PDZD7: variants seen among roughly 807,000 people sequenced by gnomAD.
The protein encoded by PDZD7 is PDZ domain containing 7, also known as PDZ domain-containing protein 7.
In PDZD7, 72 loss-of-function variants were observed where a neutral mutation model predicts 84.7. That is an observed-to-expected ratio of 0.85 (90% CI 0.70 to 1.03). The LOEUF is 1.03. Among genes scored for constraint, PDZD7 ranks in the 50% least tolerant of loss-of-function variants. The pLI, the probability that PDZD7 is intolerant of heterozygous loss-of-function variation, is 0.00. For synonymous variants in PDZD7, 594 were observed against 580.7 expected, an observed-to-expected ratio of 1.02 and a Z score of -0.33; for missense variants, 1,490 against 1,412.9, an observed-to-expected ratio of 1.05 and a Z score of -0.87.
chr10:101,014,672 A>ACACACACG, intron 11 of PDZD7, among the ~76,000 whole-genome samples: 1 of 2,194 alleles, frequency 4.6e-4, no homozygotes, highest in South Asian at 0.029. Flanking sequence ...CAATGCATGG[A>ACACACACG]CACACACACA....
Position 101,018,823 on chromosome 10 carries a change from C to G in PDZD7, c.1323G>C (p.Trp441Cys), listed in dbSNP as rs1187432177. The change falls in exon 8 of 17, where the codon TGG becomes TGC. Residue 441 changes from tryptophan to cysteine, a missense_variant and splice_region_variant. Transcript: ENST00000619208. ...AGCCGCCACCCATCCCCCACGTACC[C>G]CACAAGGTCAGATAGCTCTGGGAGC... ...ITRSQSYLTLWEEKQQRKKEK... is the reference protein window; with the variant it reads ...ITRSQSYLTLCEEKQQRKKEK... 3.8e-6 allele frequency: 6 copies of G among 1,593,250 alleles called. No homozygotes were observed. Among genetic ancestry groups the G allele is most frequent in the Non-Finnish European group, 5.1e-6 (6 of 1,167,604 alleles).
In PDZD7 at chr10:101,008,714, G is replaced by A; in HGVS notation, c.2855C>T (p.Pro952Leu). The A allele has an allele frequency of 6.5e-7, 1 of 1,535,964 alleles. No homozygotes were observed. Among genetic ancestry groups the A allele is most frequent in the East Asian group, 2.4e-5 (1 of 40,890 alleles). ...PMELVVRVPGPSPRPSPSDSS... is the reference protein window; with the variant it reads ...PMELVVRVPGLSPRPSPSDSS... ...GTCAGAGGGTGAGGGCCGTGGGCTG[G>A]GCCCGGGGACCCTGACCACAAGCTC... The change falls in exon 17 of 17, where the codon CCC becomes CTC. Residue 952 changes from proline (P) to leucine (L), a missense_variant. Pro to Leu is a moderately conservative substitution (Grantham distance 98). Coordinates refer to ENST00000619208, the MANE Select transcript of PDZD7 (RefSeq NM_001195263.2).
chr10:101,010,353 C>T lies in PDZD7; in HGVS notation c.2536G>A (p.Gly846Arg), dbSNP rs1242131213. 3.3e-6 allele frequency: 5 copies of T among 1,535,478 alleles called. No individual in the cohort carries two copies. Among genetic ancestry groups the T allele is most frequent in the East Asian group, 2.4e-5 (1 of 40,918 alleles). The change falls in exon 15 of 17, where the codon GGG (glycine) becomes AGG (arginine). Residue 846 changes from glycine (G) to arginine (R), a missense_variant. Physicochemically the swap from Gly to Arg is moderately radical, Grantham distance 125. Transcript: ENST00000619208. ...KQGPSESGTE[G>R]TAKEAAMKNP... ...TTCATGGCTGCCTCCTTGGCCGTCC[C>T]CTCAGTTCCACTCTCCGAGGGCCCT...
intron 6 of PDZD7, 93 bp downstream of exon 6, chr10:101,021,705 C>G: frequency 6.4e-7 from 1 of 1,562,354 alleles, no homozygotes; most frequent in Non-Finnish European, 8.8e-7. Context: ...GCTGTGGGAA[C>G]GTCATAAATT....
intron 16 of PDZD7, among the ~76,000 whole-genome samples, 156 bp from the exon 17 acceptor site, chr10:101,009,006 G>A (rs1852306272): frequency 6.6e-6 from 1 of 152,180 alleles, no homozygotes; most frequent in Non-Finnish European, 1.5e-5. Flanking sequence ...GCCTGCAGTT[G>A]TTGGGGGCAG....
Position 101,008,794 on chromosome 10 carries a change from C to A in PDZD7, c.2775G>T (p.Gln925His). Residue 925 changes from glutamine to histidine, a missense_variant, in exon 17 of 17, where the codon CAG (glutamine) becomes CAT (histidine). Transcript: ENST00000619208. Reference sequence around the variant, plus strand: ...CCCGACGGATGGTGTCTACTGCACGCTGGTGGGTCACCTGCTCTAGATTCT... The same window carrying A: ...CCCGACGGATGGTGTCTACTGCACGATGGTGGGTCACCTGCTCTAGATTCT... ...DGENLEQVTH[Q>H]RAVDTIRRAY... The A allele has an allele frequency of 1.3e-6, 2 of 1,530,440 alleles. No homozygotes were observed. Among genetic ancestry groups the A allele is most frequent in the Non-Finnish European group, 1.8e-6 (2 of 1,142,566 alleles). 94.8% of individuals were successfully genotyped at this position (1,530,440 alleles called of 1,614,324 possible). A position where few individuals can be genotyped will look rare whatever the true frequency, so the allele number is the denominator to read the frequency against.
In PDZD7 at chr10:101,017,805, AAAAG is replaced by A. The variant is rs774042442; in HGVS notation, c.1522+290_1522+293del. The A allele has an allele frequency of 7.5e-5, 35 of 468,366 alleles. 1 individual carries two copies. Among genetic ancestry groups the A allele is most frequent in the South Asian group, 2.1e-4 (7 of 32,604 alleles). The allele number at this position is 468,366 out of a possible 1,614,324, so 29.0% of individuals were successfully genotyped here. A position where few individuals can be genotyped will look rare whatever the true frequency, so the allele number is the denominator to read the frequency against. On this transcript the variant is annotated intron_variant, in intron 9 of 16. Transcript: ENST00000619208. Reference sequence around the variant, plus strand: ...CCATCTCAAAAAAAAAAAAGAAAGAAAAAGAAAGAAAGGAAAGAAAGGAAGGAAG... The same window carrying A: ...CCATCTCAAAAAAAAAAAAGAAAGAAAAAGAAAGGAAAGAAAGGAAGGAAG...
chr10:101,014,711 G>T (rs1852533747), intron 11 of PDZD7, among the ~76,000 whole-genome samples: 1 of 147,242 alleles, frequency 6.8e-6, no homozygotes, highest in South Asian at 2.2e-4. Context: ...CCAGACACGT[G>T]CTTGCTCACA....
Position 101,015,756 on chromosome 10 carries a change from C to T in PDZD7, c.1629G>A (p.Gln543=), listed in dbSNP as rs192668758. The T allele has an allele frequency of 5.0e-4, 780 of 1,550,050 alleles. No homozygotes were observed. The highest frequency in any genetic ancestry group is 6.3e-4 in the Non-Finnish European group (725 of 1,146,938). Residue 543 remains glutamine, a synonymous_variant, in exon 11 of 17, where the codon CAG becomes CAA. Transcript: ENST00000619208. ...LSARSGSPSS[Q]LPNVDEQVQA... The stretch of plus-strand genomic sequence containing the variant: ...GAACCTGCTCATCCACATTAGGCAG[C>T]TGGCTGGAGGGACTCCCAGACCTGG...
chr10:101,025,220 T>C (rs1453187334), intron 2 of PDZD7, among the ~76,000 whole-genome samples: 2 of 152,232 alleles, frequency 1.3e-5, no homozygotes, highest in Non-Finnish European at 2.9e-5. Context: ...CTTTCTTTTT[T>C]TTCCCCCGAG....
In PDZD7 at chr10:101,009,280, C is replaced by T; in HGVS notation, c.2688G>A (p.Gly896=). 1 of 1,535,994 alleles carries T rather than the reference C, an allele frequency of 6.5e-7. No individual in the cohort carries two copies. Among genetic ancestry groups the T allele is most frequent in the Non-Finnish European group, 8.7e-7 (1 of 1,146,812 alleles). Reference sequence around the variant, plus strand: ...GGGCCCCACTGAGGAAAGCGGCCCCCCCAGGGAAGATCTTCTCTATCTTCA... The same window carrying T: ...GGGCCCCACTGAGGAAAGCGGCCCCTCCAGGGAAGATCTTCTCTATCTTCA... The part of the protein sequence containing the change: ...PMVKIEKIFP[G]GAAFLSGALQ... Residue 896 remains glycine, a synonymous_variant, in exon 16 of 17, where the codon GGG becomes GGA. Transcript: ENST00000619208.
intron 14 of PDZD7, chr10:101,011,249 C>T (rs1590046200): frequency 2.4e-6 from 1 of 413,546 alleles, no homozygotes; most frequent in East Asian, 7.2e-5. Flanking sequence ...GCCATGTTGG[C>T]CAGGTTGGTC....
chr10:101,030,463 G>T, intron 1 of PDZD7, 79 bp from the exon 2 acceptor site: 3 of 643,890 alleles, frequency 4.7e-6, no homozygotes, highest in Non-Finnish European at 8.5e-6. Context: ...CCCTCCCCCT[G>T]GTTTAAGCAT....
At position 101,018,921 on chromosome 10, in the gene PDZD7, C is replaced by A; in HGVS notation, c.1225G>T (p.Asp409Tyr). ...TTGGGAGACTCAGAGAGCGCAGAGT[C>A]AAGGCGGCGGCCGGGATGGGGGCCG... is the stretch of plus-strand genomic sequence containing the variant. The part of the protein sequence containing the change: ...SDGPHPGRRL[D>Y]SALSESPKTA... The change falls in exon 8 of 17, where the codon GAC becomes TAC. Residue 409 changes from aspartate (D) to tyrosine (Y), a missense_variant. Transcript: ENST00000619208. 1 of 1,603,942 alleles carries A rather than the reference C, an allele frequency of 6.2e-7. No individual in the cohort carries two copies. The highest frequency in any genetic ancestry group is 1.7e-5 in the Admixed American group (1 of 58,514).
intron 2 of PDZD7, among the ~76,000 whole-genome samples, chr10:101,028,600 C>T (rs1449085913): frequency 7.7e-6 from 1 of 129,190 alleles, no homozygotes; most frequent in Non-Finnish European, 1.7e-5. Context: ...CCCTTTCCCT[C>T]TTAAAAAAAA....
rs749620519 is a variant in PDZD7, at chr10:101,018,273, CCTT to C, written c.1345_1347del (p.Lys449del). 8.2e-5 allele frequency: 132 copies of C among 1,611,496 alleles called. 1 individual carries two copies. The East Asian group carries it at 2.8e-3, about 34-fold the overall frequency. On this transcript the variant is annotated inframe_deletion, in exon 9 of 17. Transcript: ENST00000619208. Reference sequence around the variant, plus strand: ...TTCTCCCCAGGGGACCCCGACTTCTCCTTCTTCCGCTGCTGCTTCTCCTCTGCA... The same window carrying C: ...TTCTCCCCAGGGGACCCCGACTTCTCCTTCCGCTGCTGCTTCTCCTCTGCA...
rs759210090 is a variant in PDZD7, at chr10:101,008,509, C to T, written c.3060G>A (p.Gln1020=). ...TPSPAPSPAL[Q]TPDSKPAPSP... is the part of the protein sequence containing the mutation. Reference sequence around the variant, plus strand: ...AGGGTGCGGGCTTAGAATCAGGAGTCTGGAGGGCTGGGGAGGGGGCTGGGC... The same window carrying T: ...AGGGTGCGGGCTTAGAATCAGGAGTTTGGAGGGCTGGGGAGGGGGCTGGGC... Residue 1020 remains glutamine, a synonymous_variant, in exon 17 of 17, where the codon CAG becomes CAA. Transcript: ENST00000619208. 3 of 1,529,696 alleles carry T rather than the reference C, an allele frequency of 2.0e-6. No individual in the cohort carries two copies. The highest frequency in any genetic ancestry group is 2.4e-5 in the South Asian group (2 of 83,548). 94.8% of individuals were successfully genotyped at this position (1,529,696 alleles called of 1,614,324 possible).
At chr10:101,023,798 G>T in intron 3 of PDZD7, 130 bp downstream of exon 3, 1 of 1,521,220 alleles carries the variant, frequency 6.6e-7, no homozygotes, top group Non-Finnish European at 9.0e-7. Flanking sequence ...GGTTGGCCCT[G>T]TCTCCCCATC....
At position 101,010,417 on chromosome 10, in the gene PDZD7, T is replaced by A. The variant is rs761808177; in HGVS notation, c.2472A>T (p.Arg824=). ...KPRKARPPLP[R]PLDGEAAKVG... ...CCTTGGCTGCCTCCCCATCCAGAGG[T>A]CGTGGCAGAGGGGGTCTGGCCTTCC... The change falls in exon 15 of 17, where the codon CGA becomes CGT. Residue 824 remains arginine, a synonymous_variant. Transcript: ENST00000619208. The A allele has an allele frequency of 3.9e-6, 6 of 1,535,954 alleles. No homozygotes were observed. In the South Asian group the frequency reaches 7.1e-5, roughly 18 times the overall value.
Sources: gnomAD v4.1 joint callset for allele counts (sites outside exome capture counted in the v4.1 genomes callset) on GRCh38, gnomAD v4.1.1 for gene constraint, MANE v1.5 for transcripts, NCBI Gene and HGNC (gene_info 2026-07-23, HGNC 2026-07-21) for gene names.